The following DKK3 variants were observed in gnomAD, a reference collection of about 807,000 sequenced individuals.
DKK3 encodes the protein dickkopf-related protein 3.
A neutral mutation model predicts 33.2 loss-of-function variants in DKK3; 22 were observed. The observed-to-expected ratio is 0.66, with a 90% CI of 0.47 to 0.95. DKK3 has a LOEUF of 0.95. Among genes scored for constraint, DKK3 ranks in the 40% least tolerant of loss-of-function variants. DKK3 has a pLI of 0.00. For missense variants in DKK3, 398 were observed against 458.4 expected (o/e 0.87, Z 1.20); for synonymous variants, 194 against 188.8 (o/e 1.03, Z -0.23).
At chr11:12,002,216 T>G in intron 2 of DKK3, 84 bp downstream of exon 2, 26 of 1,440,904 alleles carry the variant, frequency 1.8e-5, no homozygotes, top group Non-Finnish European at 2.4e-5. Context: ...GTATATCACA[T>G]ATGAAAAAAC....
chr11:12,002,142 C>T, intron 2 of DKK3, 158 bp downstream of exon 2: 3 of 800,192 alleles, frequency 3.7e-6, no homozygotes, highest in Non-Finnish European at 5.5e-6. Context: ...CCACTTTCAA[C>T]AGTAACATTA....
chr11:11,978,510 T>C (rs1946406206), intron 3 of DKK3, among the ~76,000 whole-genome samples: 1 of 151,896 alleles, frequency 6.6e-6, no homozygotes, highest in African/African-American at 2.4e-5. Context: ...CTTTCTTCTT[T>C]CTTCTTTTTT....
intron 3 of DKK3, among the ~76,000 whole-genome samples, chr11:11,989,544 T>G (rs1260630644): frequency 6.6e-6 from 1 of 152,038 alleles, no homozygotes; most frequent in Non-Finnish European, 1.5e-5. Context: ...GTGGTCAGAA[T>G]CATACAGACA....
At chr11:12,003,958 A>G (rs1261421571) in intron 1 of DKK3, among the ~76,000 whole-genome samples, 2 of 152,206 alleles carry the variant, frequency 1.3e-5, no homozygotes, top group African/African-American at 4.8e-5. Context: ...ACAAGGACTT[A>G]GTCAGTGGCC....
At chr11:11,978,576 T>C (rs115891094) in intron 3 of DKK3, among the ~76,000 whole-genome samples, 1,643 of 152,136 alleles carry the variant, frequency 0.011, 28 homozygotes, top group African/African-American at 0.038. Flanking sequence ...GGGGTCTCTC[T>C]ATATGTTGCC....
chr11:11,990,069 T>C (rs1382580293), intron 3 of DKK3, among the ~76,000 whole-genome samples: 1 of 152,190 alleles, frequency 6.6e-6, no homozygotes. Context: ...TTTGGAATGA[T>C]GCCAACAGGT....
In DKK3 at chr11:11,964,273, A is replaced by C; in HGVS notation, c.*191T>G. 1 of 725,810 alleles carries C rather than the reference A, an allele frequency of 1.4e-6. No individual in the cohort carries two copies. Among genetic ancestry groups the C allele is most frequent in the Non-Finnish European group, 2.3e-6 (1 of 443,510 alleles). The allele number at this position is 725,810 out of a possible 1,614,324, so 45.0% of individuals were successfully genotyped here. ...ACCCTGCCTGACTCTCCCAAGCACC[A>C]GACTGTGAAGCCTGGAGAACAGCCT... On this transcript the variant is annotated 3_prime_UTR_variant, in exon 7 of 7. Transcript: ENST00000683431.
chr11:12,009,423 C>A, upstream of DKK3: 2 of 940,614 alleles, frequency 2.1e-6, no homozygotes, highest in Non-Finnish European at 2.5e-6. Flanking sequence ...GCGGAGGGGC[C>A]GCAGCCCGGC....
In DKK3 at chr11:11,964,665, G is replaced by A; in HGVS notation, c.852C>T (p.Cys284=). 6.2e-7 allele frequency: 1 copy of A among 1,613,974 alleles called. No individual in the cohort carries two copies. Among genetic ancestry groups the A allele is most frequent in the Non-Finnish European group, 8.5e-7 (1 of 1,179,988 alleles). ...QPHSHSLVYV[C]KPTFVGSRDQ... is the part of the protein sequence containing the mutation. ...CACGGCTCCCCACGAAGGTCGGCTT[G>A]CACACATACACCAGGCTGTGGCTGG... is the stretch of plus-strand genomic sequence containing the variant. Residue 284 remains cysteine (C), a synonymous_variant, in exon 7 of 7, where the codon TGC becomes TGT. Transcript: ENST00000683431.
intron 3 of DKK3, among the ~76,000 whole-genome samples, chr11:11,972,838 A>G (rs548573313): frequency 3.2e-4 from 48 of 149,686 alleles, no homozygotes; most frequent in Non-Finnish European, 6.4e-4. Context: ...GAGAAGCTGA[A>G]ATCAGAAATA....
At chr11:12,002,501 GA>G (rs3834918) in intron 1 of DKK3, 64 bp from the exon 2 acceptor site, 209,821 of 1,486,166 alleles carry the variant, frequency 0.14, 20,403 homozygotes, top group African/African-American at 0.54. Flanking sequence ...GAGTCTATTA[GA>G]AAAAAAAAAT....
At chr11:12,001,064 T>C (rs1848416617) in intron 2 of DKK3, among the ~76,000 whole-genome samples, 1 of 152,232 alleles carries the variant, frequency 6.6e-6, no homozygotes, top group African/African-American at 2.4e-5. Flanking sequence ...AAAATCACAC[T>C]AGTGACTGGT....
At chr11:12,002,231 A>C (rs1848443797) in intron 2 of DKK3, 69 bp downstream of exon 2, 6 of 1,499,382 alleles carry the variant, frequency 4.0e-6, no homozygotes, top group Non-Finnish European at 5.4e-6. Flanking sequence ...AAAAACAAAA[A>C]CAAAAAAACC....
intron 2 of DKK3, among the ~76,000 whole-genome samples, chr11:11,999,663 G>A (rs1848382387): frequency 6.6e-6 from 1 of 152,066 alleles, no homozygotes; most frequent in Non-Finnish European, 1.5e-5. Context: ...CAGAAAGAAA[G>A]AAAAGAAAAG....
intron 1 of DKK3, among the ~76,000 whole-genome samples, chr11:12,006,854 CTG>C (rs543412138): frequency 4.6e-5 from 7 of 152,328 alleles, no homozygotes; most frequent in South Asian, 2.1e-4. Flanking sequence ...TACCGGGAAT[CTG>C]TGTGCAGGAG....
In DKK3 at chr11:11,963,689, TGGCACCAA is replaced by T. The variant is rs1291585537; in HGVS notation, c.*767_*774del. The T allele has an allele frequency of 3.3e-5, 5 of 152,176 alleles. No individual in the cohort carries two copies. The highest frequency in any genetic ancestry group is 5.9e-5 in the Non-Finnish European group (4 of 68,040). 9.4% of individuals were successfully genotyped at this position (152,176 alleles called of 1,614,324 possible). A position where few individuals can be genotyped will look rare whatever the true frequency, so the allele number is the denominator to read the frequency against. Reference sequence around the variant, plus strand: ...CCTTCCTTTTGGGGAGCACTTTTGGTGGCACCAAGGCTGGTGTGGGGTAGTGGAGAGAG... The same window carrying T: ...CCTTCCTTTTGGGGAGCACTTTTGGTGGCTGGTGTGGGGTAGTGGAGAGAG... On this transcript the variant is annotated 3_prime_UTR_variant, in exon 7 of 7. Coordinates refer to ENST00000683431, the MANE Select transcript of DKK3 (RefSeq NM_001018057.2).
chr11:12,004,364 G>C (rs992380520), intron 1 of DKK3, among the ~76,000 whole-genome samples: 3 of 152,182 alleles, frequency 2.0e-5, no homozygotes, highest in Non-Finnish European at 4.4e-5. Context: ...ATAAAGAGTA[G>C]ATCAGAAAGA....
At chr11:12,002,023 TCAAATGATAA>T in intron 2 of DKK3, 1 of 283,042 alleles carries the variant, frequency 3.5e-6, no homozygotes, top group African/African-American at 2.2e-5. Context: ...TTTCTTTTTT[TCAAATGATAA>T]TCCCTGGACA....
chr11:12,006,667 T>A (rs1057116174), intron 1 of DKK3, among the ~76,000 whole-genome samples: 3 of 152,186 alleles, frequency 2.0e-5, no homozygotes, highest in Non-Finnish European at 4.4e-5. Flanking sequence ...ATAACGCCCA[T>A]GGAGAAGACC....
Sources: gnomAD v4.1 joint callset for allele counts (sites outside exome capture counted in the v4.1 genomes callset) on GRCh38, gnomAD v4.1.1 for gene constraint, MANE v1.5 for transcripts, NCBI Gene and HGNC (gene_info 2026-07-23, HGNC 2026-07-21) for gene names.